Variants in EHD3 observed in about 807,000 individuals in gnomAD.
EHD3 encodes the protein EH domain-containing protein 3.
A neutral mutation model predicts 43.0 loss-of-function variants in EHD3; 17 were observed. That is an observed-to-expected ratio of 0.40 (90% confidence interval 0.27 to 0.59). The LOEUF (loss-of-function observed/expected upper bound fraction) is 0.59. Ranked by LOEUF, EHD3 falls within the 20% of genes least tolerant of loss-of-function variation. The probability of loss-of-function intolerance (pLI) is 0.49; values close to 1 mark genes in which losing one functional copy is unlikely to be tolerated. For missense variants in EHD3, 594 were observed against 705.6 expected, an observed-to-expected ratio of 0.84 and a Z score of 1.79; for synonymous variants, 313 against 289.5, an observed-to-expected ratio of 1.08 and a Z score of -0.82.
In EHD3 at chr2:31,255,984, C is replaced by T. The variant is rs953612569; in HGVS notation, c.503-4526C>T. On this transcript the variant is annotated intron_variant, in intron 3 of 5. Transcript: ENST00000322054. ...ATCTCCATCCATCCTGTTGTACTCC[C>T]CACCCTCACACCTCTGGTCTCAGAT... Among the ~76,000 whole-genome samples the T allele has an allele frequency of 4.6e-5, 7 of 152,290 alleles. No individual in the cohort carries two copies. In the East Asian group the frequency reaches 1.4e-3, roughly 29 times the overall value.
Position 31,260,791 on chromosome 2 carries a change from C to G in EHD3, c.784C>G (p.Leu262Val). ...CATCGGCTCCTTCTGGTCCCACCCC[C>G]TCCTCATCCCTGACAACCGGAAGCT... ...VYIGSFWSHP[L>V]LIPDNRKLFE... Residue 262 changes from leucine to valine, a missense_variant, in exon 4 of 6, where the codon CTC (leucine) becomes GTC (valine). Around this residue, in one of 3 missense-constraint regions of EHD3, gnomAD observed 29 missense variants for 60.9 expected, o/e 0.48. Transcript: ENST00000322054. The surrounding 1 kb of genome is among the most constrained non-coding windows in gnomAD (Gnocchi z 4.6). 6.2e-7 allele frequency: 1 copy of G among 1,614,222 alleles called. No homozygotes were observed. The highest frequency in any genetic ancestry group is 8.5e-7 in the Non-Finnish European group (1 of 1,180,044).
At position 31,234,843 on chromosome 2, in the gene EHD3, C is replaced by T. The variant is rs776215334; in HGVS notation, c.222C>T (p.Phe74=). 3 of 1,614,002 alleles carry T rather than the reference C, an allele frequency of 1.9e-6. No individual in the cohort carries two copies. The highest frequency in any genetic ancestry group is 1.7e-5 in the Admixed American group (1 of 60,006). ...VGQYSTGKTT[F]IRYLLEQDFP... is the part of the protein sequence containing the mutation. ...AGTACTCCACTGGGAAGACCACCTT[C>T]ATCAGGTGAGCCGGCCCAGGGTCCT... The change falls in exon 1 of 6, where the codon TTC becomes TTT. Residue 74 remains phenylalanine (F), a synonymous_variant. Transcript: ENST00000322054.
At chr2:31,249,534 A>G (rs1683593960) in intron 3 of EHD3, 66 bp downstream of exon 3, 4 of 1,442,636 alleles carry the variant, frequency 2.8e-6, no homozygotes, top group Non-Finnish European at 3.9e-6. Flanking sequence ...AGTCTCTTAC[A>G]TACCAGAAGA....
chr2:31,261,401 A>G, intron 4 of EHD3, 148 bp from the exon 5 acceptor site: 2 of 961,556 alleles, frequency 2.1e-6, no homozygotes, highest in Admixed American at 2.4e-5. Flanking sequence ...ACATGGAGCC[A>G]TGAGGGTAGA....
At chr2:31,243,778 C>T (rs184017723) in intron 1 of EHD3, among the ~76,000 whole-genome samples, 147 of 151,978 alleles carry the variant, frequency 9.7e-4, no homozygotes, top group African/African-American at 3.3e-3. Context: ...CATAGTGTAC[C>T]TTTTATATTG....
Position 31,261,930 on chromosome 2 carries a change from C to T in EHD3, c.1080+217C>T, listed in dbSNP as rs1422299844. The stretch of plus-strand genomic sequence containing the variant: ...TGGGGAGAAACACGGAGCCCACCGC[C>T]CCAGTGGTGCAGGTGTGTTAGATGA... On this transcript the variant is annotated intron_variant, in intron 5 of 5. Transcript: ENST00000322054. Among the ~76,000 whole-genome samples the T allele has an allele frequency of 2.0e-5, 3 of 152,230 alleles. No homozygotes were observed. In the East Asian group the frequency reaches 5.8e-4, roughly 29 times the overall value.
intron 5 of EHD3, among the ~76,000 whole-genome samples, chr2:31,264,595 C>T (rs982956953): frequency 1.6e-5 from 2 of 128,902 alleles, no homozygotes; most frequent in Middle Eastern, 5.4e-3. Context: ...AGTGCAGTGG[C>T]GCGATCTCGG....
chr2:31,268,285 A>G lies in EHD3; in HGVS notation c.*1581A>G, dbSNP rs1683992734. The G allele has an allele frequency of 1.3e-5, 2 of 152,670 alleles. No homozygotes were observed. The highest frequency in any genetic ancestry group is 2.4e-5 in the African/African-American group (1 of 41,454). 9.5% of individuals were successfully genotyped at this position (152,670 alleles called of 1,614,324 possible). On this transcript the variant is annotated 3_prime_UTR_variant, in exon 6 of 6. Coordinates refer to ENST00000322054, the MANE Select transcript of EHD3 (RefSeq NM_014600.3). ...ACAAAATGAGTATAACTTATTTTAT[A>G]TCCATATTCAGACTATATAGAGAAT...
At chr2:31,243,078 A>G (rs1307869804) in intron 1 of EHD3, among the ~76,000 whole-genome samples, 1 of 152,268 alleles carries the variant, frequency 6.6e-6, no homozygotes, top group East Asian at 1.9e-4. Context: ...GCAGCTCAAG[A>G]CCAGATTGGC....
chr2:31,243,460 C>CTTTCTTTCTTTCTTTCTT (rs1553402472), intron 1 of EHD3, among the ~76,000 whole-genome samples: 19 of 98,478 alleles, frequency 1.9e-4, no homozygotes, highest in African/African-American at 8.7e-4. Context: ...TTCTTTCTTT[C>CTTTCTTTCTTTCTTTCTT]TTTTTTTTTT....
intron 5 of EHD3, among the ~76,000 whole-genome samples, chr2:31,265,451 T>G (rs1028090129): frequency 6.6e-6 from 1 of 152,216 alleles, no homozygotes; most frequent in African/African-American, 2.4e-5. Flanking sequence ...TATTGTCTTC[T>G]GGGACCCTCG....
At chr2:31,258,224 CCTTT>C (rs913744941) in intron 3 of EHD3, among the ~76,000 whole-genome samples, 3 of 152,186 alleles carry the variant, frequency 2.0e-5, no homozygotes, top group Non-Finnish European at 2.9e-5. Flanking sequence ...GTTTGACCTT[CCTTT>C]GTTTGTTAGA....
intron 3 of EHD3, among the ~76,000 whole-genome samples, chr2:31,251,892 A>C (rs1344834638): frequency 6.6e-6 from 1 of 152,152 alleles, no homozygotes; most frequent in African/African-American, 2.4e-5. Flanking sequence ...CAAGTGGTTC[A>C]TCTGGGGTTT....
chr2:31,236,556 G>A (rs1407068001), intron 1 of EHD3, among the ~76,000 whole-genome samples: 1 of 152,214 alleles, frequency 6.6e-6, no homozygotes, highest in Non-Finnish European at 1.5e-5. Flanking sequence ...TTTCCTTTGT[G>A]AGCCCTGGCC....
chr2:31,257,706 A>C (rs113653681), intron 3 of EHD3, among the ~76,000 whole-genome samples: 4 of 152,262 alleles, frequency 2.6e-5, no homozygotes, highest in African/African-American at 9.6e-5. Context: ...GTCGTGTCTC[A>C]TGGGTGGTAT....
intron 5 of EHD3, 116 bp downstream of exon 5, chr2:31,261,829 TGCAGGC>T: frequency 3.2e-6 from 4 of 1,260,764 alleles, no homozygotes; most frequent in Admixed American, 2.5e-5. Context: ...GCCCAGAATC[TGCAGGC>T]AAGGAGGTGG....
At chr2:31,243,424 C>CTT (rs1158878248) in intron 1 of EHD3, among the ~76,000 whole-genome samples, 5 of 84,916 alleles carry the variant, frequency 5.9e-5, no homozygotes, top group Non-Finnish European at 6.3e-5. Context: ...ATTCATTTTT[C>CTT]TTTCTTTCTT....
Position 31,234,475 on chromosome 2 carries a change from C to G in EHD3, c.-147C>G. ...AGTGCGCTCCCGGCCCTCCTAGCCGCGTGCCCGGGCCATGGTGCGGCTGAG... is the reference window on the plus strand; with the variant it reads ...AGTGCGCTCCCGGCCCTCCTAGCCGGGTGCCCGGGCCATGGTGCGGCTGAG... On this transcript the variant is annotated 5_prime_UTR_variant, in exon 1 of 6. Transcript: ENST00000322054. 1 of 853,202 alleles carries G rather than the reference C, an allele frequency of 1.2e-6. No homozygotes were observed. The highest frequency in any genetic ancestry group is 1.8e-6 in the Non-Finnish European group (1 of 561,652). 52.9% of individuals were successfully genotyped at this position (853,202 alleles called of 1,614,324 possible).
intron 1 of EHD3, among the ~76,000 whole-genome samples, chr2:31,241,202 C>T (rs1432772753): frequency 6.6e-6 from 1 of 152,214 alleles, no homozygotes; most frequent in Non-Finnish European, 1.5e-5. Flanking sequence ...CAAGGCCTGG[C>T]CCTGCCTGCC....
Sources: allele counts gnomAD v4.1 joint callset (sites outside exome capture counted in the v4.1 genomes callset), GRCh38; gene constraint gnomAD v4.1.1; regional missense constraint gnomAD v4.1.1; non-coding constraint Gnocchi (gnomAD v3.1); transcripts MANE v1.5; gene names NCBI Gene and HGNC (gene_info 2026-07-23, HGNC 2026-07-21).